HS6ST3: variants seen among roughly 807,000 people sequenced by gnomAD.
HS6ST3 encodes the protein heparan sulfate 6-O-sulfotransferase 3.
Under a neutral mutation model 36.7 loss-of-function variants are expected in HS6ST3, and 12 were observed. That is an observed-to-expected ratio of 0.33 (90% CI 0.21 to 0.53). The LOEUF is 0.53. Among genes scored for constraint, HS6ST3 ranks in the 20% least tolerant of loss-of-function variants. The pLI, the probability that HS6ST3 is intolerant of heterozygous loss-of-function variation, is 0.95. For missense variants in HS6ST3, 584 were observed against 640.9 expected (o/e 0.91, Z 0.96); for synonymous variants, 240 against 257.5 (o/e 0.93, Z 0.65).
intron 1 of HS6ST3, among the ~76,000 whole-genome samples, chr13:96,096,106 T>C (rs1322377624): frequency 1.3e-5 from 2 of 152,008 alleles, no homozygotes; most frequent in African/African-American, 4.8e-5. Context: ...CTGGAAACCA[T>C]GTCATATGAG....
Position 96,448,135 on chromosome 13 carries a change from A to C in HS6ST3, c.707+356566A>C, listed in dbSNP as rs528956755. On this transcript the variant is annotated intron_variant, in intron 1 of 1. Transcript: ENST00000376705. ...GCTATGACCCTTCTCAAATCTTCTT[A>C]TCTTTAGTTCTGGCCTAAAAATTTG... Among the ~76,000 whole-genome samples the C allele has an allele frequency of 3.3e-5, 5 of 152,276 alleles. No homozygotes were observed. The East Asian group carries it at 9.6e-4, about 29-fold the overall frequency.
intron 1 of HS6ST3, among the ~76,000 whole-genome samples, chr13:96,654,120 A>AG (rs2056616511): frequency 6.6e-6 from 1 of 152,178 alleles, no homozygotes; most frequent in African/African-American, 2.4e-5. Flanking sequence ...CCTTTGTCAG[A>AG]TGGATAGATT....
In HS6ST3 at chr13:96,433,642, A is replaced by G. The variant is rs2055627125; in HGVS notation, c.707+342073A>G. Among the ~76,000 whole-genome samples, 3 of 151,718 alleles carry G rather than the reference A, an allele frequency of 2.0e-5. No homozygotes were observed. In the South Asian group the frequency reaches 6.3e-4, roughly 32 times the overall value. ...CCATGTGGAACTGTGAGTCTATTAA[A>G]CCTCTTTCCTGGCTGGGTGCGGTGG... On this transcript the variant is annotated intron_variant, in intron 1 of 1. Coordinates refer to ENST00000376705, the MANE Select transcript of HS6ST3 (RefSeq NM_153456.4).
intron 1 of HS6ST3, among the ~76,000 whole-genome samples, chr13:96,481,198 ACTGT>A (rs1397517527): frequency 6.6e-6 from 1 of 152,188 alleles, no homozygotes; most frequent in Non-Finnish European, 1.5e-5. Context: ...AGTAAGATGA[ACTGT>A]CTAAAATCAA....
At chr13:96,198,002 G>T (rs1287077026) in intron 1 of HS6ST3, among the ~76,000 whole-genome samples, 1 of 152,184 alleles carries the variant, frequency 6.6e-6, no homozygotes, top group East Asian at 1.9e-4. Flanking sequence ...GCAGACTTTT[G>T]CCTGGGCATC....
intron 1 of HS6ST3, among the ~76,000 whole-genome samples, chr13:96,596,340 A>AT (rs1488859121): frequency 1.3e-5 from 2 of 152,142 alleles, no homozygotes; most frequent in Non-Finnish European, 2.9e-5. Context: ...TGTATATTAC[A>AT]TTTTCATTAT....
intron 1 of HS6ST3, among the ~76,000 whole-genome samples, chr13:96,499,922 C>T (rs1180151159): frequency 6.6e-6 from 1 of 152,122 alleles, no homozygotes; most frequent in African/African-American, 2.4e-5. Flanking sequence ...TTTGAAATTA[C>T]AGCTTTATTC....
In HS6ST3 at chr13:96,090,904, C is replaced by T; in HGVS notation, c.42C>T (p.Leu14=). 1.3e-6 allele frequency: 2 copies of T among 1,513,932 alleles called. No homozygotes were observed. Among genetic ancestry groups the T allele is most frequent in the Non-Finnish European group, 1.8e-6 (2 of 1,126,434 alleles). The allele number at this position is 1,513,932 out of a possible 1,614,324, so 93.8% of individuals were successfully genotyped here. ...ACAAGTGGCTGCTGACGCCGGTGCT[C>T]ACTCTCCTCTTCGTGGTCATCATGT... ...RFNKWLLTPV[L]TLLFVVIMYQ... is the part of the protein sequence containing the mutation. Residue 14 remains leucine, a synonymous_variant, in exon 1 of 2, where the codon CTC becomes CTT. Coordinates refer to ENST00000376705, the MANE Select transcript of HS6ST3 (RefSeq NM_153456.4).
chr13:96,466,747 G>T (rs576049775), intron 1 of HS6ST3, among the ~76,000 whole-genome samples: 52 of 142,954 alleles, frequency 3.6e-4, no homozygotes, highest in African/African-American at 1.3e-3. Flanking sequence ...AAACCATGAA[G>T]TTGGATACCT....
At chr13:96,333,116 C>G (rs1240914755) in intron 1 of HS6ST3, among the ~76,000 whole-genome samples, 1 of 152,192 alleles carries the variant, frequency 6.6e-6, no homozygotes, top group Admixed American at 6.6e-5. Context: ...TTTGTTATAG[C>G]AGTGCGAATG....
chr13:96,824,260 C>T (rs17771012), intron 1 of HS6ST3, among the ~76,000 whole-genome samples: 13,527 of 152,260 alleles, frequency 0.089, 671 homozygotes, highest in Non-Finnish European at 0.11. Flanking sequence ...TGCCGTGCGA[C>T]GCACATGGCT....
At chr13:96,487,290 A>T (rs899716868) in intron 1 of HS6ST3, among the ~76,000 whole-genome samples, 2 of 152,034 alleles carry the variant, frequency 1.3e-5, no homozygotes, top group Non-Finnish European at 2.9e-5. Context: ...GCAAGGCAGG[A>T]CCCTCTTGCT....
intron 1 of HS6ST3, among the ~76,000 whole-genome samples, chr13:96,591,055 G>GTT (rs58622082): frequency 7.1e-5 from 10 of 140,760 alleles, no homozygotes; most frequent in South Asian, 4.6e-4. Flanking sequence ...CTAGATGTCT[G>GTT]TTTTTTTTTT....
intron 1 of HS6ST3, among the ~76,000 whole-genome samples, chr13:96,224,489 T>A (rs1219742019): frequency 6.6e-6 from 1 of 152,162 alleles, no homozygotes; most frequent in Non-Finnish European, 1.5e-5. Context: ...GCCTGGCTAA[T>A]TTTTTAATTT....
At chr13:96,394,431 C>T (rs2055410907) in intron 1 of HS6ST3, among the ~76,000 whole-genome samples, 1 of 152,102 alleles carries the variant, frequency 6.6e-6, no homozygotes, top group East Asian at 1.9e-4. Flanking sequence ...GTTTGTCCTC[C>T]CATCCTCACT....
At chr13:96,330,011 CT>C (rs1469408786) in intron 1 of HS6ST3, among the ~76,000 whole-genome samples, 1 of 150,656 alleles carries the variant, frequency 6.6e-6, no homozygotes, top group Non-Finnish European at 1.5e-5. Flanking sequence ...CAACCCCTGC[CT>C]TTTTTTGTTT....
Position 96,595,223 on chromosome 13 carries a change from AT to A in HS6ST3, c.708-237263del, listed in dbSNP as rs576621576. Among the ~76,000 whole-genome samples, 20 of 152,010 alleles carry A rather than the reference AT, an allele frequency of 1.3e-4. No individual in the cohort carries two copies. In the South Asian group the frequency reaches 4.0e-3, roughly 30 times the overall value. The stretch of plus-strand genomic sequence containing the variant: ...ACCGTGCCTGGCTAATTTTTCAAAT[AT>A]TTTGTAGAGATGGAGTCTTGCTATG... On this transcript the variant is annotated intron_variant, in intron 1 of 1. Coordinates refer to ENST00000376705, the MANE Select transcript of HS6ST3 (RefSeq NM_153456.4).
intron 1 of HS6ST3, among the ~76,000 whole-genome samples, chr13:96,412,397 G>A (rs117951044): frequency 2.5e-4 from 38 of 152,292 alleles, no homozygotes; most frequent in Non-Finnish European, 4.0e-4. Flanking sequence ...AAGATTCTAA[G>A]TCAAGGGTGG....
chr13:96,142,650 A>G (rs2054037599), intron 1 of HS6ST3, among the ~76,000 whole-genome samples: 1 of 152,308 alleles, frequency 6.6e-6, no homozygotes, highest in East Asian at 1.9e-4. Context: ...GGCTATGGGT[A>G]GTTATGATAC....
Sources: gnomAD v4.1 joint callset for allele counts (sites outside exome capture counted in the v4.1 genomes callset) on GRCh38, gnomAD v4.1.1 for gene constraint, MANE v1.5 for transcripts, NCBI Gene and HGNC (gene_info 2026-07-23, HGNC 2026-07-21) for gene names.